The following MALRD1 variants were observed in gnomAD, a reference collection of about 807,000 sequenced individuals.
The protein encoded by MALRD1 is MAM and LDL-receptor class A domain-containing protein 1.
A neutral mutation model predicts 242.1 loss-of-function variants in MALRD1; 247 were observed. That is an observed-to-expected ratio of 1.02 (90% CI 0.92 to 1.13). MALRD1 has a LOEUF of 1.13. Ranked by LOEUF, MALRD1 falls within the 50% of genes most tolerant of loss-of-function variation. The pLI is 0.00. For synonymous variants in MALRD1, 995 were observed against 866.6 expected (o/e 1.15, Z -2.60); for missense variants, 2,989 against 2,533.1 (o/e 1.18, Z -3.86).
Position 19,087,916 on chromosome 10 carries a change from T to G in MALRD1, c.417T>G (p.Asn139Lys). Reference sequence around the variant, plus strand: ...GAAGCAGAGTTTTCCTTCCAACAAATGATCAACATGACTGCCAGGTATTTG... The same window carrying G: ...GAAGCAGAGTTTTCCTTCCAACAAAGGATCAACATGACTGCCAGGTATTTG... ...SLRSRVFLPT[N>K]DQHDCQITFY... The change falls in exon 3 of 40, where the codon AAT (asparagine) becomes AAG (lysine). Residue 139 changes from asparagine to lysine, a missense_variant. Asn to Lys is a moderately conservative substitution (Grantham distance 94). Coordinates refer to ENST00000454679, the MANE Select transcript of MALRD1 (RefSeq NM_001142308.3). The G allele has an allele frequency of 8.1e-7, 1 of 1,232,118 alleles. No individual in the cohort carries two copies. The highest frequency in any genetic ancestry group is 4.2e-5 in the Admixed American group (1 of 23,670). The allele number at this position is 1,232,118 out of a possible 1,614,324, so 76.3% of individuals were successfully genotyped here. A position where few individuals can be genotyped will look rare whatever the true frequency, so the allele number is the denominator to read the frequency against.
chr10:19,562,252 G>T (rs533269105), intron 32 of MALRD1, among the ~76,000 whole-genome samples: 2 of 151,926 alleles, frequency 1.3e-5, no homozygotes, highest in African/African-American at 4.8e-5. Context: ...CCAAGATCGC[G>T]CCACTGTACT....
intron 18 of MALRD1, among the ~76,000 whole-genome samples, chr10:19,217,741 G>T (rs1231112596): frequency 6.6e-6 from 1 of 152,048 alleles, no homozygotes; most frequent in Non-Finnish European, 1.5e-5. Context: ...GGCCAGGATG[G>T]TCTCGATCTC....
intron 36 of MALRD1, among the ~76,000 whole-genome samples, chr10:19,647,105 ATGC>A (rs1840694488): frequency 6.6e-6 from 1 of 152,212 alleles, no homozygotes; most frequent in Non-Finnish European, 1.5e-5. Context: ...GAAGAAACGA[ATGC>A]ACTTCCCTGG....
chr10:19,581,475 T>G (rs1474906062), intron 33 of MALRD1, among the ~76,000 whole-genome samples: 1 of 151,328 alleles, frequency 6.6e-6, no homozygotes, highest in East Asian at 2.0e-4. Context: ...TGGTGTTTGG[T>G]ATTTTGTTCT....
chr10:19,350,451 A>G (rs115431945), intron 25 of MALRD1, among the ~76,000 whole-genome samples: 22 of 151,448 alleles, frequency 1.5e-4, no homozygotes, highest in African/African-American at 4.8e-4. Context: ...TTGTTGTTGT[A>G]TTTTTAGTAA....
At chr10:19,214,019 C>G (rs1211715152) in intron 18 of MALRD1, among the ~76,000 whole-genome samples, 1 of 152,176 alleles carries the variant, frequency 6.6e-6, no homozygotes. Flanking sequence ...TGTACTGTTA[C>G]TTTTCATCTT....
At chr10:19,562,297 GTAGATAGATAGATAGATAGATAGATAGA>G (rs78473002) in intron 32 of MALRD1, among the ~76,000 whole-genome samples, 1 of 144,650 alleles carries the variant, frequency 6.9e-6, no homozygotes, top group African/African-American at 2.6e-5. Flanking sequence ...GCTGTCTTAG[GTAGATAGATAGATAGATAGATAGATAGA>G]TAGATAGATA....
At chr10:19,147,465 C>T (rs186685800) in intron 11 of MALRD1, among the ~76,000 whole-genome samples, 101 of 152,170 alleles carry the variant, frequency 6.6e-4, no homozygotes, top group African/African-American at 2.4e-3. Flanking sequence ...CATTTTGTGG[C>T]AGACAAAGTT....
At chr10:19,550,514 G>T (rs1286126410) in intron 32 of MALRD1, among the ~76,000 whole-genome samples, 2 of 151,766 alleles carry the variant, frequency 1.3e-5, no homozygotes, top group Non-Finnish European at 2.9e-5. Context: ...CCTCCAATAG[G>T]CCCCAGTGTG....
At chr10:19,370,204 A>G (rs1044973825) in intron 26 of MALRD1, among the ~76,000 whole-genome samples, 2 of 152,070 alleles carry the variant, frequency 1.3e-5, no homozygotes, top group African/African-American at 4.8e-5. Flanking sequence ...TCTTTCATCA[A>G]TCTGTTTGCC....
chr10:19,238,546 T>TAATATATATTATATATAATATAC lies in MALRD1; in HGVS notation c.2992-19137_2992-19136insATATATATTATATATAATATACA, dbSNP rs371075170. ...TATATAATATACATTATATATAATA[T>TAATATATATTATATATAATATAC]ATAATGTATATTATATATAATATAC... is the stretch of plus-strand genomic sequence containing the variant. On this transcript the variant is annotated intron_variant, in intron 18 of 39. Transcript: ENST00000454679. Among the ~76,000 whole-genome samples, 297 of 80,366 alleles carry TAATATATATTATATATAATATAC rather than the reference T, an allele frequency of 3.7e-3. 35 individuals are homozygous for TAATATATATTATATATAATATAC. The highest frequency in any genetic ancestry group is 8.9e-3 in the African/African-American group (210 of 23,676). The allele number at this position is 80,366 out of a possible 152,430, so 52.7% of individuals were successfully genotyped here. A position where few individuals can be genotyped will look rare whatever the true frequency, so the allele number is the denominator to read the frequency against.
Position 19,491,527 on chromosome 10 carries a change from C to G in MALRD1, c.5040C>G (p.Ile1680Met), listed in dbSNP as rs1837492237. 1 of 1,549,714 alleles carries G rather than the reference C, an allele frequency of 6.5e-7. No homozygotes were observed. Residue 1680 changes from isoleucine to methionine, a missense_variant, in exon 30 of 40, where the codon ATC becomes ATG. Coordinates refer to ENST00000454679, the MANE Select transcript of MALRD1 (RefSeq NM_001142308.3). ...EFKNCTTVGE[I>M]SELCPEITDF... is the part of the protein sequence containing the mutation. ...TTTGTTTTTCCCTAGTGGGAGAGATCTCTGAGCTTTGTCCGGAAATCACTG... is the reference window on the plus strand; with the variant it reads ...TTTGTTTTTCCCTAGTGGGAGAGATGTCTGAGCTTTGTCCGGAAATCACTG...
intron 18 of MALRD1, among the ~76,000 whole-genome samples, chr10:19,215,758 TAAAC>T (rs1449378437): frequency 5.0e-5 from 6 of 118,896 alleles, no homozygotes; most frequent in South Asian, 2.3e-4. Context: ...ATAATTAGTA[TAAAC>T]AAATAATTTA....
rs1841951333 is a variant in MALRD1, at chr10:19,672,182, A to T, written c.6138-20100A>T. Among the ~76,000 whole-genome samples, 3 of 151,930 alleles carry T rather than the reference A, an allele frequency of 2.0e-5. No individual in the cohort carries two copies. The South Asian group carries it at 6.2e-4, about 32-fold the overall frequency. ...TACACATTAAAGACCATCATTTTTC[A>T]TTTTGTCCAAGGGTGTGAAGATTTC... On this transcript the variant is annotated intron_variant, in intron 36 of 39. Transcript: ENST00000454679.
intron 18 of MALRD1, among the ~76,000 whole-genome samples, chr10:19,227,118 A>G (rs1256816786): frequency 6.6e-6 from 1 of 151,926 alleles, no homozygotes; most frequent in African/African-American, 2.4e-5. Context: ...AATCAAACCT[A>G]TAGGCCTTTT....
intron 21 of MALRD1, among the ~76,000 whole-genome samples, chr10:19,292,035 A>G (rs1258757141): frequency 1.4e-5 from 2 of 140,972 alleles, no homozygotes; most frequent in Non-Finnish European, 3.0e-5. Flanking sequence ...GTAAGCCGAG[A>G]TGGTGCCACT....
At chr10:19,414,318 A>G (rs563515426) in intron 28 of MALRD1, among the ~76,000 whole-genome samples, 178 of 152,332 alleles carry the variant, frequency 1.2e-3, no homozygotes, top group African/African-American at 4.1e-3. Flanking sequence ...TCATTTTGTC[A>G]CGAATAAGAT....
rs201597378 is a variant in MALRD1 at position 19,678,876 on chromosome 10, TG to T, written c.6138-13405del. ...AACAGGAAGGGATGTGGTATTTTATTGAAGGCCTTTTCTGCATCTATTGAGA... is the reference window on the plus strand; with the variant it reads ...AACAGGAAGGGATGTGGTATTTTATTAAGGCCTTTTCTGCATCTATTGAGA... On this transcript the variant is annotated intron_variant, in intron 36 of 39. Transcript: ENST00000454679. Among the ~76,000 whole-genome samples the T allele has an allele frequency of 3.0e-4, 46 of 152,272 alleles. 1 individual carries two copies. In the East Asian group the frequency reaches 7.3e-3, roughly 24 times the overall value.
intron 34 of MALRD1, chr10:19,598,311 T>C (rs1459393845): frequency 6.6e-6 from 1 of 152,056 alleles, no homozygotes; most frequent in African/African-American, 2.4e-5. Flanking sequence ...GAACATGTAG[T>C]AGGGCACCAG....
Sources: allele counts gnomAD v4.1 joint callset (sites outside exome capture counted in the v4.1 genomes callset), GRCh38; gene constraint gnomAD v4.1.1; transcripts MANE v1.5; gene names NCBI Gene and HGNC (gene_info 2026-07-23, HGNC 2026-07-21).